Variants in TBC1D16 observed in about 807,000 individuals in gnomAD.
TBC1D16 encodes TBC1 domain family member 16, also known as CTD-2529O21.1.
Under a neutral mutation model 74.7 loss-of-function variants are expected in TBC1D16, and 58 were observed. The observed-to-expected ratio is 0.78, with a 90% CI of 0.63 to 0.97. TBC1D16 has a LOEUF of 0.97. TBC1D16 is among the 50% of genes least tolerant of loss of function. The probability of loss-of-function intolerance (pLI) is 0.00; values close to 1 mark genes in which losing one functional copy is unlikely to be tolerated. For missense variants in TBC1D16, 1,014 were observed against 1,079.5 expected, an observed-to-expected ratio of 0.94 and a Z score of 0.85; for synonymous variants, 493 against 474.7, an observed-to-expected ratio of 1.04 and a Z score of -0.50.
chr17:79,978,682 C>T (rs2034445217), intron 3 of TBC1D16, among the ~76,000 whole-genome samples: 1 of 152,242 alleles, frequency 6.6e-6, no homozygotes, highest in African/African-American at 2.4e-5. Flanking sequence ...ACGACTTAGA[C>T]TCAGGACGTG....
intron 1 of TBC1D16, among the ~76,000 whole-genome samples, chr17:80,027,679 G>T (rs890688440): frequency 3.0e-4 from 45 of 150,842 alleles, no homozygotes; most frequent in African/African-American, 1.0e-3. Context: ...ATCGCTTGAG[G>T]TCAGGAGTTT....
At chr17:80,027,372 G>A (rs772361196) in intron 1 of TBC1D16, among the ~76,000 whole-genome samples, 3 of 152,098 alleles carry the variant, frequency 2.0e-5, no homozygotes, top group South Asian at 2.1e-4. Context: ...TGAGTCAAGA[G>A]AATCGCTTGA....
chr17:79,941,007 G>T lies in TBC1D16; in HGVS notation c.2156C>A (p.Ser719Tyr). The part of the protein sequence containing the change: ...LCGSGMWDSG[S>Y]MPAVECTGHH... ...GCCGGTGCACTCCACCGCGGGCATG[G>T]AGCCGCTGTCCCACATGCCTGACCC... Residue 719 changes from serine to tyrosine, a missense_variant, in exon 12 of 12, where the codon TCC (serine) becomes TAC (tyrosine). Physicochemically the swap from Ser to Tyr is moderately radical, Grantham distance 144 (BLOSUM62 -2). Transcript: ENST00000310924. The surrounding 1 kb of genome is among the most constrained non-coding windows in gnomAD (Gnocchi z 4.3). 6.2e-7 allele frequency: 1 copy of T among 1,608,298 alleles called. No homozygotes were observed.
In TBC1D16 at chr17:79,971,987, A is replaced by T. The variant is rs1235273784; in HGVS notation, c.780-19169T>A. On this transcript the variant is annotated intron_variant, in intron 3 of 11. Coordinates refer to ENST00000310924, the MANE Select transcript of TBC1D16 (RefSeq NM_019020.4). The surrounding 1 kb of genome is among the most constrained non-coding windows in gnomAD (Gnocchi z 4.6). ...GAAAACGGCCCTGGCATTGATTTTT[A>T]AAAAGGGTCGCTCAAAAGAACTGAA... Among the ~76,000 whole-genome samples the T allele has an allele frequency of 6.6e-6, 1 of 152,178 alleles. No individual in the cohort carries two copies. Among genetic ancestry groups the T allele is most frequent in the Non-Finnish European group, 1.5e-5 (1 of 67,986 alleles).
rs142900923 is a variant in TBC1D16 at position 80,026,644 on chromosome 17, G to A, written c.-63+9151C>T. ...TGGTTCCTGGACTGAGAACCCAGCTGCCGGCAGCCCAAGTTGTCTGATGGG... is the reference window on the plus strand; with the variant it reads ...TGGTTCCTGGACTGAGAACCCAGCTACCGGCAGCCCAAGTTGTCTGATGGG... On this transcript the variant is annotated intron_variant, in intron 1 of 11. Coordinates refer to ENST00000310924, the MANE Select transcript of TBC1D16 (RefSeq NM_019020.4). Among the ~76,000 whole-genome samples the A allele has an allele frequency of 2.0e-4, 30 of 149,914 alleles. No individual in the cohort carries two copies. In the East Asian group the frequency reaches 5.6e-3, roughly 28 times the overall value.
At chr17:80,004,493 A>G (rs2035602608) in intron 3 of TBC1D16, among the ~76,000 whole-genome samples, 1 of 152,172 alleles carries the variant, frequency 6.6e-6, no homozygotes, top group African/African-American at 2.4e-5. Context: ...TATAAAAAAA[A>G]GTGGGGTAAG....
rs369911371 is a variant in TBC1D16, at chr17:80,013,554, G to A, written c.-7C>T. On this transcript the variant is annotated 5_prime_UTR_variant, in exon 2 of 12. Coordinates refer to ENST00000310924, the MANE Select transcript of TBC1D16 (RefSeq NM_019020.4). ...GGAGGCGGCCCAGAGACATTGCCGG[G>A]CAAGTGTTTCCATCCTCCGCATGCG... 6 of 1,493,462 alleles carry A rather than the reference G, an allele frequency of 4.0e-6. No individual in the cohort carries two copies. The African/African-American group carries it at 7.0e-5, about 17-fold the overall frequency. The allele number at this position is 1,493,462 out of a possible 1,614,324, so 92.5% of individuals were successfully genotyped here.
intron 1 of TBC1D16, among the ~76,000 whole-genome samples, chr17:80,031,559 G>T (rs181942388): frequency 6.6e-6 from 1 of 152,138 alleles, no homozygotes; most frequent in East Asian, 1.9e-4. Context: ...CTCTCCTTTT[G>T]CAACTGTCCA....
Position 80,035,857 on chromosome 17 carries a change from C to T in TBC1D16, c.-125G>A, listed in dbSNP as rs976024185. The T allele has an allele frequency of 6.8e-6, 1 of 146,576 alleles. No homozygotes were observed. Among genetic ancestry groups the T allele is most frequent in the African/African-American group, 2.4e-5 (1 of 40,862 alleles). The allele number at this position is 146,576 out of a possible 1,614,324, so 9.1% of individuals were successfully genotyped here. ...CGAGAGCCGCCACCGTCGCCTCCGCCGCTGCCGCCGCCAGTGAGGCGCGGC... is the reference window on the plus strand; with the variant it reads ...CGAGAGCCGCCACCGTCGCCTCCGCTGCTGCCGCCGCCAGTGAGGCGCGGC... On this transcript the variant is annotated 5_prime_UTR_variant, in exon 1 of 12. Coordinates refer to ENST00000310924, the MANE Select transcript of TBC1D16 (RefSeq NM_019020.4). The surrounding 1 kb of genome is among the most constrained non-coding windows in gnomAD (Gnocchi z 5.3).
chr17:79,964,054 C>T (rs1007383044), intron 3 of TBC1D16, among the ~76,000 whole-genome samples: 1 of 152,208 alleles, frequency 6.6e-6, no homozygotes, highest in Non-Finnish European at 1.5e-5. Flanking sequence ...TGGCTGACAG[C>T]AACCTCTGTT....
chr17:79,997,349 T>C (rs935414410), intron 3 of TBC1D16, among the ~76,000 whole-genome samples: 16 of 151,562 alleles, frequency 1.1e-4, no homozygotes, highest in Admixed American at 2.6e-4. Context: ...GGCCTCCCGG[T>C]ACTTTTTTTT....
At chr17:80,005,867 CA>C (rs898428574) in intron 3 of TBC1D16, among the ~76,000 whole-genome samples, 3 of 152,140 alleles carry the variant, frequency 2.0e-5, no homozygotes, top group Non-Finnish European at 4.4e-5. Flanking sequence ...AACTACTTGC[CA>C]AATAACCATA....
At chr17:80,023,715 T>C (rs1312818452) in intron 1 of TBC1D16, among the ~76,000 whole-genome samples, 1 of 147,998 alleles carries the variant, frequency 6.8e-6, no homozygotes, top group African/African-American at 2.6e-5. Context: ...GTGGCCCGCC[T>C]GGCCCCGCTG....
rs2032290356 is a variant in TBC1D16, at chr17:79,944,091, C to T, written c.1908+817G>A. The T allele has an allele frequency of 6.5e-7, 1 of 1,535,900 alleles. No homozygotes were observed. The highest frequency in any genetic ancestry group is 8.7e-7 in the Non-Finnish European group (1 of 1,146,882). On this transcript the variant is annotated intron_variant, in intron 10 of 11. Coordinates refer to ENST00000310924, the MANE Select transcript of TBC1D16 (RefSeq NM_019020.4). This position sits in a 1 kb window ranked among gnomAD's most constrained non-coding sequence, Gnocchi z 7.7. ...CACTCGGTGGCTTCAGACTCGCTTTCATCAGACATCAGCCCCCTGCGGTGT... is the reference window on the plus strand; with the variant it reads ...CACTCGGTGGCTTCAGACTCGCTTTTATCAGACATCAGCCCCCTGCGGTGT...
At chr17:80,013,688 C>A (rs1450013799) in intron 1 of TBC1D16, 79 bp from the exon 2 acceptor site, 1 of 881,796 alleles carries the variant, frequency 1.1e-6, no homozygotes, top group African/African-American at 1.7e-5. Flanking sequence ...CGCCTCGGCA[C>A]CCGGTGGGTT....
At chr17:79,966,815 TA>T (rs1204907034) in intron 3 of TBC1D16, among the ~76,000 whole-genome samples, 7 of 152,156 alleles carry the variant, frequency 4.6e-5, no homozygotes, top group Non-Finnish European at 1.0e-4. Context: ...AACAAAATAC[TA>T]GCAAGCTGAA....
chr17:80,023,802 C>T (rs1017455787), intron 1 of TBC1D16: 2 of 150,340 alleles, frequency 1.3e-5, no homozygotes, highest in African/African-American at 5.1e-5. Flanking sequence ...CCTCCCAGGC[C>T]CAGCTGGCGC....
At position 79,980,925 on chromosome 17, in the gene TBC1D16, T is replaced by G. The variant is rs945643544; in HGVS notation, c.780-28107A>C. On this transcript the variant is annotated intron_variant, in intron 3 of 11. Coordinates refer to ENST00000310924, the MANE Select transcript of TBC1D16 (RefSeq NM_019020.4). The surrounding 1 kb of genome is among the most constrained non-coding windows in gnomAD (Gnocchi z 7.0). ...CTGCTGGGACCATGGCTAGGGGTTG[T>G]GACGTGACCTGGGCCCCGGGAGGCC... Among the ~76,000 whole-genome samples, 1 of 152,140 alleles carries G rather than the reference T, an allele frequency of 6.6e-6. No homozygotes were observed. Among genetic ancestry groups the G allele is most frequent in the Non-Finnish European group, 1.5e-5 (1 of 68,020 alleles).
At chr17:80,029,486 T>C (rs1334297042) in intron 1 of TBC1D16, among the ~76,000 whole-genome samples, 1 of 152,182 alleles carries the variant, frequency 6.6e-6, no homozygotes. Context: ...AAAGATTTGG[T>C]GACTCACTGT....
Sources: allele counts gnomAD v4.1 joint callset (sites outside exome capture counted in the v4.1 genomes callset), GRCh38; gene constraint gnomAD v4.1.1; non-coding constraint Gnocchi (gnomAD v3.1); transcripts MANE v1.5; gene names NCBI Gene and HGNC (gene_info 2026-07-23, HGNC 2026-07-21).